Variants in PRDM4 observed in about 807,000 individuals in gnomAD.
The protein encoded by PRDM4 is PR domain zinc finger protein 4.
PRDM4 carries 38 observed loss-of-function variants against 62.3 expected under a neutral mutation model. The ratio of observed to expected loss-of-function variants is 0.61; its 90% CI spans 0.47 to 0.80. PRDM4 has a LOEUF of 0.80. Among genes scored for constraint, PRDM4 ranks in the 30% least tolerant of loss-of-function variants. PRDM4 has a pLI of 0.00. For missense variants in PRDM4, 858 were observed against 997.1 expected (o/e 0.86, Z 1.88); for synonymous variants, 339 against 348.2 (o/e 0.97, Z 0.30).
intron 11 of PRDM4, among the ~76,000 whole-genome samples, chr12:107,737,332 ATCT>A (rs1406047082): frequency 1.3e-5 from 2 of 152,118 alleles, no homozygotes; most frequent in African/African-American, 4.8e-5. Context: ...TTTACCAACG[ATCT>A]CCATAGGAAG....
At chr12:107,758,037 G>A (rs1366983041) in intron 2 of PRDM4, among the ~76,000 whole-genome samples, 1 of 152,120 alleles carries the variant, frequency 6.6e-6, no homozygotes, top group Non-Finnish European at 1.5e-5. Context: ...ATGGGAGGGG[G>A]TGAAGCAGAG....
At chr12:107,758,406 T>A (rs1413172250) in intron 2 of PRDM4, 1 of 152,076 alleles carries the variant, frequency 6.6e-6, no homozygotes, top group East Asian at 1.9e-4. Context: ...AGTGCCACCA[T>A]GCCTGGCTAA....
intron 6 of PRDM4, among the ~76,000 whole-genome samples, chr12:107,745,902 C>T (rs907415682): frequency 1.3e-5 from 2 of 152,126 alleles, no homozygotes; most frequent in Non-Finnish European, 2.9e-5. Flanking sequence ...AACATTTGAT[C>T]TAAAGTTGTG....
Position 107,743,205 on chromosome 12 carries a change from G to C in PRDM4, c.1473C>G (p.Arg491=). Residue 491 remains arginine (R), a synonymous_variant, in exon 8 of 12, where the codon CGC becomes CGG. Coordinates refer to ENST00000228437, the MANE Select transcript of PRDM4 (RefSeq NM_012406.4). ...TCCAAGACTACTCATACCTGGCTTT[G>C]CGCACAAACATCATCCAATTACATT... ...ENECNWMMFV[R]KARNREEQNL... The C allele has an allele frequency of 6.2e-7, 1 of 1,609,584 alleles. No individual in the cohort carries two copies. The highest frequency in any genetic ancestry group is 8.5e-7 in the Non-Finnish European group (1 of 1,175,912).
At chr12:107,739,699 T>A in intron 10 of PRDM4, 148 bp from the exon 11 acceptor site, 1 of 683,534 alleles carries the variant, frequency 1.5e-6, no homozygotes, top group Non-Finnish European at 2.3e-6. Context: ...GTTGTCTATG[T>A]GAGACCACTC....
At chr12:107,748,384 G>C (rs992473823) in intron 5 of PRDM4, among the ~76,000 whole-genome samples, 1 of 151,952 alleles carries the variant, frequency 6.6e-6, no homozygotes, top group Admixed American at 6.6e-5. Flanking sequence ...GTACATGAGA[G>C]TTCATAACAG....
intron 11 of PRDM4, among the ~76,000 whole-genome samples, chr12:107,738,878 AAC>A (rs111582421): frequency 2.1e-3 from 307 of 146,934 alleles, no homozygotes; most frequent in Middle Eastern, 3.6e-3. Context: ...AATTCAGACA[AAC>A]ACACACACAC....
At chr12:107,740,359 T>A (rs1890478124) in intron 10 of PRDM4, among the ~76,000 whole-genome samples, 1 of 152,002 alleles carries the variant, frequency 6.6e-6, no homozygotes, top group Admixed American at 6.6e-5. Context: ...TGGTGGCGCA[T>A]GTCTGCAGTC....
chr12:107,757,128 C>G (rs1295791722), intron 2 of PRDM4, among the ~76,000 whole-genome samples, 163 bp from the exon 3 acceptor site: 1 of 152,208 alleles, frequency 6.6e-6, no homozygotes, highest in Non-Finnish European at 1.5e-5. Context: ...GTGCCATATT[C>G]TTTCTACTGA....
chr12:107,759,890 C>T (rs1459873906), intron 2 of PRDM4: 1 of 152,272 alleles, frequency 6.6e-6, no homozygotes, highest in African/African-American at 2.4e-5. Flanking sequence ...GTGTTTCTAA[C>T]TGACCTATGC....
At chr12:107,741,404 G>T in intron 9 of PRDM4, 144 bp from the exon 10 acceptor site, 1 of 785,050 alleles carries the variant, frequency 1.3e-6, no homozygotes, top group South Asian at 1.9e-5. Flanking sequence ...AATGTACTAA[G>T]GGCATCTAAA....
chr12:107,740,307 CA>C (rs1890475588), intron 10 of PRDM4, among the ~76,000 whole-genome samples: 1 of 152,000 alleles, frequency 6.6e-6, no homozygotes, highest in Non-Finnish European at 1.5e-5. Context: ...GGCAACATGG[CA>C]AAACCCCATC....
Position 107,734,146 on chromosome 12 carries a change from G to A in PRDM4, c.*64C>T, listed in dbSNP as rs1371457000. On this transcript the variant is annotated 3_prime_UTR_variant, in exon 12 of 12. Coordinates refer to ENST00000228437, the MANE Select transcript of PRDM4 (RefSeq NM_012406.4). ...ATTTTATATAAAAACCATTATAGTA[G>A]ATAACTGGTTATGTGTATTTTTCCA... 3 of 1,459,096 alleles carry A rather than the reference G, an allele frequency of 2.1e-6. No individual in the cohort carries two copies. The highest frequency in any genetic ancestry group is 2.8e-5 in the African/African-American group (2 of 70,358). 90.4% of individuals were successfully genotyped at this position (1,459,096 alleles called of 1,614,324 possible).
chr12:107,756,717 T>G (rs898587401), intron 3 of PRDM4, 115 bp downstream of exon 3: 2 of 1,278,082 alleles, frequency 1.6e-6, no homozygotes, highest in African/African-American at 3.0e-5. Flanking sequence ...CAGGCCTGCT[T>G]ACCTTCTCCC....
rs1417513850 is a variant in PRDM4, at chr12:107,746,482, C to T, written c.1127-58G>A. On this transcript the variant is annotated intron_variant, in intron 5 of 11. Coordinates refer to ENST00000228437, the MANE Select transcript of PRDM4 (RefSeq NM_012406.4). ...GTTTAGTTCAAGCAGGCTAAATTAC[C>T]ACCACGGTTTTTTTTTTTTTTGAGA... 2.1e-6 allele frequency: 3 copies of T among 1,410,070 alleles called. No individual in the cohort carries two copies. The African/African-American group carries it at 4.5e-5, about 21-fold the overall frequency. The allele number at this position is 1,410,070 out of a possible 1,614,324, so 87.3% of individuals were successfully genotyped here.
At chr12:107,756,724 T>C (rs1891076393) in intron 3 of PRDM4, 108 bp downstream of exon 3, 3 of 1,331,534 alleles carry the variant, frequency 2.3e-6, no homozygotes, top group African/African-American at 1.5e-5. Context: ...GCTTACCTTC[T>C]CCCTTCTACC....
rs960349872 is a variant in PRDM4, at chr12:107,734,065, G to A, written c.*145C>T. 1.3e-6 allele frequency: 1 copy of A among 792,016 alleles called. No individual in the cohort carries two copies. The highest frequency in any genetic ancestry group is 2.0e-6 in the Non-Finnish European group (1 of 510,404). 49.1% of individuals were successfully genotyped at this position (792,016 alleles called of 1,614,324 possible). A position where few individuals can be genotyped will look rare whatever the true frequency, so the allele number is the denominator to read the frequency against. On this transcript the variant is annotated 3_prime_UTR_variant, in exon 12 of 12. Coordinates refer to ENST00000228437, the MANE Select transcript of PRDM4 (RefSeq NM_012406.4). The stretch of plus-strand genomic sequence containing the variant: ...TTTTCATTAGGATACTCTTCTGTAA[G>A]TGCTTTATTCATTCCCAGTCTGTTT...
chr12:107,734,448 G>T lies in PRDM4; in HGVS notation c.2168C>A (p.Ser723Tyr). ...RTNHLKKHLNSHEGKRDYVCE... is the reference protein window; with the variant it reads ...RTNHLKKHLNYHEGKRDYVCE... ...GACATAATCCCGTTTTCCTTCATGA[G>T]AATTGAGATGCTTCTTTAAGTGATT... Residue 723 changes from serine (S) to tyrosine (Y), a missense_variant, in exon 12 of 12, where the codon TCT becomes TAT. This residue lies in a region of PRDM4 where 355 missense variants were observed against 432.6 expected (regional missense o/e 0.82). Coordinates refer to ENST00000228437, the MANE Select transcript of PRDM4 (RefSeq NM_012406.4). 6.2e-7 allele frequency: 1 copy of T among 1,614,126 alleles called. No individual in the cohort carries two copies. The highest frequency in any genetic ancestry group is 8.5e-7 in the Non-Finnish European group (1 of 1,179,986).
rs1891220324 is a variant in PRDM4 at position 107,760,779 on chromosome 12, A to G, written c.-256-8T>C. The G allele has an allele frequency of 4.1e-6, 2 of 491,728 alleles. No individual in the cohort carries two copies. The highest frequency in any genetic ancestry group is 4.0e-5 in the African/African-American group (2 of 49,750). 30.5% of individuals were successfully genotyped at this position (491,728 alleles called of 1,614,324 possible). ...GGAAGGGGGCTGCCCAACCTGGGGG[A>G]GTGGGGACAAGAGCGGTCACCAAAA... On this transcript the variant is annotated splice_region_variant and splice_polypyrimidine_tract_variant and intron_variant, in intron 1 of 11. Transcript: ENST00000228437.
Sources: allele counts gnomAD v4.1 joint callset (sites outside exome capture counted in the v4.1 genomes callset), GRCh38; gene constraint gnomAD v4.1.1; regional missense constraint gnomAD v4.1.1; transcripts MANE v1.5; gene names NCBI Gene and HGNC (gene_info 2026-07-23, HGNC 2026-07-21).